The following CADM2 variants were observed in gnomAD, a reference collection of about 807,000 sequenced individuals.
CADM2 encodes the protein immunoglobulin superfamily member 4D.
In CADM2, 12 loss-of-function variants were observed where a neutral mutation model predicts 49.8. The ratio of observed to expected loss-of-function variants is 0.24; its 90% CI spans 0.15 to 0.39. The LOEUF (loss-of-function observed/expected upper bound fraction) is 0.39. CADM2 is among the 10% of genes least tolerant of loss of function. The pLI, the probability that CADM2 is intolerant of heterozygous loss-of-function variation, is 1.00. For missense variants in CADM2, 378 were observed against 492.3 expected, an observed-to-expected ratio of 0.77 and a Z score of 2.20; for synonymous variants, 214 against 175.4, an observed-to-expected ratio of 1.22 and a Z score of -1.74.
intron 1 of CADM2, among the ~76,000 whole-genome samples, chr3:85,306,481 AC>A (rs2044215164): frequency 6.6e-6 from 1 of 151,720 alleles, no homozygotes; most frequent in South Asian, 2.1e-4. Flanking sequence ...AAAATGTATT[AC>A]CATAGAAGAT....
chr3:86,018,327 G>T (rs112751553), intron 8 of CADM2, among the ~76,000 whole-genome samples: 41,490 of 139,064 alleles, frequency 0.3, 7,162 homozygotes, highest in Admixed American at 0.38. Context: ...GAATAATGCC[G>T]CAATAAACAT....
At chr3:84,980,639 GC>G (rs1387106588) in intron 1 of CADM2, among the ~76,000 whole-genome samples, 1 of 152,168 alleles carries the variant, frequency 6.6e-6, no homozygotes, top group Non-Finnish European at 1.5e-5. Context: ...TACAGAGAGA[GC>G]TAAGATGGTG....
chr3:85,154,907 C>T (rs1345739706), intron 1 of CADM2, among the ~76,000 whole-genome samples: 2 of 151,472 alleles, frequency 1.3e-5, no homozygotes, highest in African/African-American at 4.8e-5. Flanking sequence ...TTTGTCACCA[C>T]CCGGCCTGCC....
intron 1 of CADM2, among the ~76,000 whole-genome samples, chr3:85,271,190 C>T (rs2043234162): frequency 6.6e-6 from 1 of 151,366 alleles, no homozygotes; most frequent in Non-Finnish European, 1.5e-5. Context: ...AGAGTGAATT[C>T]AATCTCTAAT....
chr3:85,843,394 C>T (rs1419677560), intron 3 of CADM2, among the ~76,000 whole-genome samples: 1 of 151,922 alleles, frequency 6.6e-6, no homozygotes, highest in South Asian at 2.1e-4. Flanking sequence ...ACCCCGCCCC[C>T]CAACCTTTTC....
chr3:85,941,034 C>T (rs1303407938), intron 7 of CADM2, among the ~76,000 whole-genome samples: 1 of 151,926 alleles, frequency 6.6e-6, no homozygotes, highest in South Asian at 2.1e-4. Context: ...CACCAAAGTC[C>T]AATGTTTACA....
intron 1 of CADM2, among the ~76,000 whole-genome samples, chr3:85,541,762 TATATTTTATATTTTA>T (rs2061549154): frequency 1.9e-4 from 3 of 15,674 alleles, no homozygotes; most frequent in Non-Finnish European, 2.7e-4. Context: ...ATTTTATATA[TATATTTTATATTTTA>T]TATATATATA....
chr3:85,892,490 GT>G, intron 5 of CADM2, among the ~76,000 whole-genome samples: 1 of 152,226 alleles, frequency 6.6e-6, no homozygotes, highest in Non-Finnish European at 1.5e-5. Context: ...ATGGGGGTGT[GT>G]TTTTCCCATG....
intron 3 of CADM2, among the ~76,000 whole-genome samples, chr3:85,815,570 A>G (rs1461858748): frequency 6.6e-6 from 1 of 152,218 alleles, no homozygotes; most frequent in Non-Finnish European, 1.5e-5. Flanking sequence ...AAATTTCAAT[A>G]AACTATGTAT....
intron 1 of CADM2, among the ~76,000 whole-genome samples, chr3:84,963,252 G>T (rs1043980470): frequency 6.6e-6 from 1 of 152,146 alleles, no homozygotes; most frequent in Non-Finnish European, 1.5e-5. Context: ...GAATTTCTTT[G>T]CAAGGAAAGC....
At chr3:85,395,183 A>C (rs1400334205) in intron 1 of CADM2, among the ~76,000 whole-genome samples, 1 of 151,418 alleles carries the variant, frequency 6.6e-6, no homozygotes, top group Non-Finnish European at 1.5e-5. Context: ...CTGTGGGCCC[A>C]GCTACTTGGG....
intron 6 of CADM2, among the ~76,000 whole-genome samples, chr3:85,926,552 T>G (rs1719901364): frequency 6.6e-6 from 1 of 152,194 alleles, no homozygotes; most frequent in Non-Finnish European, 1.5e-5. Flanking sequence ...TTGGAAACTC[T>G]TATGCAATAA....
intron 1 of CADM2, among the ~76,000 whole-genome samples, chr3:85,358,498 A>G (rs1406966445): frequency 1.3e-5 from 2 of 152,120 alleles, no homozygotes; most frequent in Non-Finnish European, 2.9e-5. Flanking sequence ...TTATCCAAGA[A>G]TTCAATTGGT....
chr3:85,050,232 A>G (rs563437590), intron 1 of CADM2, among the ~76,000 whole-genome samples: 10 of 152,230 alleles, frequency 6.6e-5, no homozygotes, highest in East Asian at 1.9e-4. Flanking sequence ...AAAGATGACC[A>G]GGTAGGAGGC....
chr3:85,373,172 T>A (rs1432747307), intron 1 of CADM2, among the ~76,000 whole-genome samples: 2 of 152,000 alleles, frequency 1.3e-5, no homozygotes, highest in Non-Finnish European at 2.9e-5. Context: ...GCGTGTAAAA[T>A]CAAAAGCAGG....
intron 3 of CADM2, among the ~76,000 whole-genome samples, chr3:85,812,024 A>G (rs2108130970): frequency 6.6e-6 from 1 of 152,266 alleles, no homozygotes; most frequent in South Asian, 2.1e-4. Flanking sequence ...ATGGATATCT[A>G]TAAAATATTG....
intron 2 of CADM2, among the ~76,000 whole-genome samples, chr3:85,753,693 G>T (rs1288587940): frequency 6.6e-6 from 1 of 152,098 alleles, no homozygotes; most frequent in Non-Finnish European, 1.5e-5. Context: ...AACTAGAACA[G>T]GTGAGTACAA....
chr3:86,028,215 A>G (rs1014628807), intron 8 of CADM2, among the ~76,000 whole-genome samples: 5 of 150,494 alleles, frequency 3.3e-5, no homozygotes, highest in Non-Finnish European at 7.4e-5. Context: ...TAAATAAAAA[A>G]AAGAAGTCAA....
At chr3:85,507,432 G>A (rs1040207281) in intron 1 of CADM2, among the ~76,000 whole-genome samples, 6 of 151,524 alleles carry the variant, frequency 4.0e-5, no homozygotes, top group African/African-American at 1.2e-4. Context: ...CAAGTGATCC[G>A]CCTGCCTCAG....
Sources: gnomAD v4.1 joint callset for allele counts (sites outside exome capture counted in the v4.1 genomes callset) on GRCh38, gnomAD v4.1.1 for gene constraint, MANE v1.5 for transcripts, NCBI Gene and HGNC (gene_info 2026-07-23, HGNC 2026-07-21) for gene names.